Variants in MFSD6 observed in about 807,000 individuals in gnomAD.
MFSD6 encodes the protein major facilitator superfamily domain-containing protein 6.
A neutral mutation model predicts 56.3 loss-of-function variants in MFSD6; 26 were observed. The ratio of observed to expected loss-of-function variants is 0.46; its 90% CI spans 0.34 to 0.64. The LOEUF is 0.64. Among genes scored for constraint, MFSD6 ranks in the 30% least tolerant of loss-of-function variants. The pLI, the probability that MFSD6 is intolerant of heterozygous loss-of-function variation, is 0.01. For synonymous variants in MFSD6, 331 were observed against 366.9 expected (o/e 0.90, Z 1.12); for missense variants, 750 against 986.2 (o/e 0.76, Z 3.21).
Position 190,480,204 on chromosome 2 carries a change from T to C in MFSD6, c.1631-8453T>C, listed in dbSNP as rs554674325. 1.1e-4 allele frequency among the ~76,000 whole-genome samples: 16 copies of C among 152,350 alleles called. No homozygotes were observed. The East Asian group carries it at 2.3e-3, about 22-fold the overall frequency. ...AACAAAGCACATTTTCCTCCTCTTA[T>C]GCTCTGCAAGAGCATGGGGAAGAAA... On this transcript the variant is annotated intron_variant, in intron 4 of 7. Transcript: ENST00000392328.
chr2:190,462,123 CCTT>C lies in MFSD6; in HGVS notation c.1533-7631_1533-7629del, dbSNP rs1468521288. ...ATTGTTCGTGATTTGCTGTCTGTCTCCTTCTTGGTTTGTTTTTGTATTAATATA... is the reference window on the plus strand; with the variant it reads ...ATTGTTCGTGATTTGCTGTCTGTCTCCTTGGTTTGTTTTTGTATTAATATA... On this transcript the variant is annotated intron_variant, in intron 3 of 7. Coordinates refer to ENST00000392328, the MANE Select transcript of MFSD6 (RefSeq NM_017694.4). This position sits in a 1 kb window ranked among gnomAD's most constrained non-coding sequence, Gnocchi z 5.7. Among the ~76,000 whole-genome samples, 2 of 152,028 alleles carry C rather than the reference CCTT, an allele frequency of 1.3e-5. No individual in the cohort carries two copies. The highest frequency in any genetic ancestry group is 2.9e-5 in the Non-Finnish European group (2 of 68,018).
intron 4 of MFSD6, chr2:190,477,080 G>T (rs1194258278): frequency 6.4e-6 from 1 of 155,664 alleles, no homozygotes; most frequent in African/African-American, 2.4e-5. Flanking sequence ...GGGAGGGATA[G>T]CATTAGGAGA....
intron 2 of MFSD6, among the ~76,000 whole-genome samples, chr2:190,432,218 G>A (rs528970443): frequency 6.6e-6 from 1 of 152,276 alleles, no homozygotes; most frequent in Admixed American, 6.5e-5. Flanking sequence ...AGATTTTCTA[G>A]AGAAGAGGCT....
Position 190,459,859 on chromosome 2 carries a change from T to G in MFSD6, c.1533-9899T>G, listed in dbSNP as rs75854695. 1.0e-3 allele frequency among the ~76,000 whole-genome samples: 155 copies of G among 152,358 alleles called. No individual in the cohort carries two copies. The highest frequency in any genetic ancestry group is 1.6e-3 in the Non-Finnish European group (108 of 68,040). On this transcript the variant is annotated intron_variant, in intron 3 of 7. Coordinates refer to ENST00000392328, the MANE Select transcript of MFSD6 (RefSeq NM_017694.4). The surrounding 1 kb of genome is among the most constrained non-coding windows in gnomAD (Gnocchi z 5.3). ...CTAGCAGAAACAATAGAAGGAAGTA[T>G]TAGTAGCTGCAGAAAATATACACAG...
chr2:190,450,853 AAAG>A (rs1686753861), intron 3 of MFSD6, among the ~76,000 whole-genome samples: 1 of 152,200 alleles, frequency 6.6e-6, no homozygotes, highest in African/African-American at 2.4e-5. Context: ...ACATTATTGA[AAAG>A]AAGAATAAAC....
chr2:190,420,947 C>T (rs980248780), intron 2 of MFSD6, among the ~76,000 whole-genome samples: 21 of 152,150 alleles, frequency 1.4e-4, no homozygotes, highest in Non-Finnish European at 2.4e-4. Context: ...ATTACAGAAA[C>T]ATTTCCATAA....
Position 190,416,092 on chromosome 2 carries a change from A to G in MFSD6, c.-54+679A>G, listed in dbSNP as rs1690763940. Among the ~76,000 whole-genome samples the G allele has an allele frequency of 6.6e-6, 1 of 152,196 alleles. No homozygotes were observed. Among genetic ancestry groups the G allele is most frequent in the Non-Finnish European group, 1.5e-5 (1 of 68,040 alleles). On this transcript the variant is annotated intron_variant, in intron 2 of 7. Coordinates refer to ENST00000392328, the MANE Select transcript of MFSD6 (RefSeq NM_017694.4). This position sits in a 1 kb window ranked among gnomAD's most constrained non-coding sequence, Gnocchi z 4.1. ...AAATTTATATTATAAATTATGCTAT[A>G]TTGGCACAATATTTAATCAGGAGTC...
At chr2:190,464,304 G>A (rs1315168898) in intron 3 of MFSD6, among the ~76,000 whole-genome samples, 1 of 152,034 alleles carries the variant, frequency 6.6e-6, no homozygotes, top group East Asian at 1.9e-4. Context: ...TTGTTTCTCT[G>A]CCAGGGGCTT....
intron 4 of MFSD6, among the ~76,000 whole-genome samples, chr2:190,486,960 G>A (rs746790705): frequency 9.9e-5 from 15 of 152,192 alleles, no homozygotes; most frequent in Non-Finnish European, 2.2e-4. Flanking sequence ...TGTTATCTCT[G>A]TCTTCCTCTC....
At chr2:190,468,704 C>T (rs1687741951) in intron 3 of MFSD6, among the ~76,000 whole-genome samples, 1 of 151,246 alleles carries the variant, frequency 6.6e-6, no homozygotes, top group Non-Finnish European at 1.5e-5. Context: ...AGTGATCCTC[C>T]TGCCTCAGCC....
At chr2:190,484,020 G>A (rs140215359) in intron 4 of MFSD6, among the ~76,000 whole-genome samples, 8 of 152,196 alleles carry the variant, frequency 5.3e-5, no homozygotes, top group Non-Finnish European at 1.0e-4. Flanking sequence ...TAAAGGTAAG[G>A]AAGGACTGAG....
At chr2:190,484,394 A>T (rs1478470039) in intron 4 of MFSD6, among the ~76,000 whole-genome samples, 1 of 152,220 alleles carries the variant, frequency 6.6e-6, no homozygotes, top group African/African-American at 2.4e-5. Context: ...ACAGTTCTCT[A>T]ATAACTAAGA....
At chr2:190,450,488 CTTTTTTTTTTT>C (rs10665730) in intron 3 of MFSD6, among the ~76,000 whole-genome samples, 2 of 97,254 alleles carry the variant, frequency 2.1e-5, no homozygotes, top group Non-Finnish European at 3.8e-5. Flanking sequence ...TCTCTTTTTC[CTTTTTTTTTTT>C]TTTTTTTTTT....
chr2:190,473,379 G>C (rs1439332580), intron 4 of MFSD6, among the ~76,000 whole-genome samples: 2 of 152,142 alleles, frequency 1.3e-5, no homozygotes, highest in Non-Finnish European at 2.9e-5. Flanking sequence ...TCAAAATAAA[G>C]GGATGGAGGA....
Position 190,437,989 on chromosome 2 carries a change from CATAG to C in MFSD6, c.1532+434_1532+437del, listed in dbSNP as rs1480021616. On this transcript the variant is annotated intron_variant, in intron 3 of 7. Coordinates refer to ENST00000392328, the MANE Select transcript of MFSD6 (RefSeq NM_017694.4). This position sits in a 1 kb window ranked among gnomAD's most constrained non-coding sequence, Gnocchi z 5.9. Reference sequence around the variant, plus strand: ...GCCTTTATTCTCAGCCACTTGCTGACATAGATAGAGCCTGAATATATGGCATCTA... The same window carrying C: ...GCCTTTATTCTCAGCCACTTGCTGACATAGAGCCTGAATATATGGCATCTA... Among the ~76,000 whole-genome samples the C allele has an allele frequency of 6.6e-6, 1 of 151,772 alleles. No individual in the cohort carries two copies. Among genetic ancestry groups the C allele is most frequent in the Non-Finnish European group, 1.5e-5 (1 of 68,014 alleles).
Position 190,437,517 on chromosome 2 carries a change from A to T in MFSD6, c.1488A>T (p.Ala496=). 1 of 1,614,128 alleles carries T rather than the reference A, an allele frequency of 6.2e-7. No individual in the cohort carries two copies. Among genetic ancestry groups the T allele is most frequent in the South Asian group, 1.1e-5 (1 of 91,076 alleles). Residue 496 remains alanine (A), a synonymous_variant, in exon 3 of 8, where the codon GCA becomes GCT. Coordinates refer to ENST00000392328, the MANE Select transcript of MFSD6 (RefSeq NM_017694.4). The surrounding 1 kb of genome is among the most constrained non-coding windows in gnomAD (Gnocchi z 5.9). ...SVLSHVSELT[A]YFFSHKLIEL... ...TGAGTCATGTGTCTGAGCTGACAGC[A>T]TATTTTTTTAGTCACAAGCTTATTG...
At chr2:190,441,045 G>T (rs1472035172) in intron 3 of MFSD6, among the ~76,000 whole-genome samples, 1 of 152,160 alleles carries the variant, frequency 6.6e-6, no homozygotes. Flanking sequence ...CTGCAGCCGG[G>T]TGTTCAATGT....
chr2:190,445,821 TAATGCTTCCTGTA>T (rs1686559733), intron 3 of MFSD6, among the ~76,000 whole-genome samples: 1 of 152,180 alleles, frequency 6.6e-6, no homozygotes, highest in Admixed American at 6.5e-5. Context: ...ATGGAAAGAA[TAATGCTTCCTGTA>T]ATTGACTAAT....
chr2:190,453,529 C>G (rs1686860201), intron 3 of MFSD6, among the ~76,000 whole-genome samples: 1 of 152,206 alleles, frequency 6.6e-6, no homozygotes, highest in South Asian at 2.1e-4. Flanking sequence ...AAGGAACATG[C>G]CGTTATCAGT....
Sources: gnomAD v4.1 joint callset for allele counts (sites outside exome capture counted in the v4.1 genomes callset) on GRCh38, gnomAD v4.1.1 for gene constraint, Gnocchi (gnomAD v3.1) non-coding constraint, MANE v1.5 for transcripts, NCBI Gene and HGNC (gene_info 2026-07-23, HGNC 2026-07-21) for gene names.